Variants in CTDSPL observed in about 807,000 individuals in gnomAD.
The protein encoded by CTDSPL is CTD small phosphatase like.
CTDSPL carries 8 observed loss-of-function variants against 30.5 expected under a neutral mutation model. The ratio of observed to expected loss-of-function variants is 0.26; its 90% CI spans 0.15 to 0.47. CTDSPL has a LOEUF of 0.47. CTDSPL is among the 20% of genes least tolerant of loss of function. The pLI, the probability that CTDSPL is intolerant of heterozygous loss-of-function variation, is 0.99. For missense variants in CTDSPL, 248 were observed against 366.1 expected (o/e 0.68, Z 2.63); for synonymous variants, 110 against 137.9 (o/e 0.80, Z 1.42).
intron 1 of CTDSPL, among the ~76,000 whole-genome samples, chr3:37,946,763 C>T (rs1270501334): frequency 6.6e-6 from 1 of 152,108 alleles, no homozygotes; most frequent in African/African-American, 2.4e-5. Context: ...TGGGGACTGA[C>T]CCTGTGGGTG....
In CTDSPL at chr3:37,861,906, C is replaced by G. The variant is rs595441; in HGVS notation, c.-294C>G. On this transcript the variant is annotated 5_prime_UTR_variant, in exon 1 of 8. Transcript: ENST00000273179. ...CTTCCCCCTCGCCCGCCCGCTCCCG[C>G]TTCCAGCGGCGCCGGGCCTCCCGCT... is the stretch of plus-strand genomic sequence containing the variant. 1 of 144,036 alleles carries G rather than the reference C, an allele frequency of 6.9e-6. No homozygotes were observed. The highest frequency in any genetic ancestry group is 1.5e-5 in the Non-Finnish European group (1 of 65,098). 8.9% of individuals were successfully genotyped at this position (144,036 alleles called of 1,614,324 possible).
intron 5 of CTDSPL, among the ~76,000 whole-genome samples, chr3:37,970,441 G>A (rs1699353783): frequency 1.3e-5 from 2 of 152,224 alleles, no homozygotes; most frequent in South Asian, 4.1e-4. Flanking sequence ...CAGAGCTGAG[G>A]CTCAGTAAAC....
rs1698291529 is a variant in CTDSPL at position 37,888,814 on chromosome 3, TG to T, written c.79+26541del. Reference sequence around the variant, plus strand: ...ACCTTTTTGGATATGATGCTGTAGCTGGGGGCCTTTAGATCCAGGGGTAAGG... The same window carrying T: ...ACCTTTTTGGATATGATGCTGTAGCTGGGGCCTTTAGATCCAGGGGTAAGG... On this transcript the variant is annotated intron_variant, in intron 1 of 7. Transcript: ENST00000273179. Among the ~76,000 whole-genome samples, 7 of 152,192 alleles carry T rather than the reference TG, an allele frequency of 4.6e-5. No homozygotes were observed. In the South Asian group the frequency reaches 1.0e-3, roughly 22 times the overall value.
At chr3:37,947,753 C>A (rs1699056089) in intron 2 of CTDSPL, among the ~76,000 whole-genome samples, 1 of 152,086 alleles carries the variant, frequency 6.6e-6, no homozygotes, top group African/African-American at 2.4e-5. Flanking sequence ...AAGTTGAATG[C>A]ATGAAACAGT....
chr3:37,934,937 G>C (rs188218708), intron 1 of CTDSPL, among the ~76,000 whole-genome samples: 55 of 151,828 alleles, frequency 3.6e-4, no homozygotes, highest in African/African-American at 1.3e-3. Flanking sequence ...TAAGGTCCCT[G>C]TACCCCTGGA....
chr3:37,867,706 T>C lies in CTDSPL; in HGVS notation c.79+5428T>C, dbSNP rs563874787. Among the ~76,000 whole-genome samples the C allele has an allele frequency of 9.8e-5, 15 of 152,328 alleles. No individual in the cohort carries two copies. In the East Asian group the frequency reaches 2.7e-3, roughly 27 times the overall value. ...GCAAAAATAATACAGAGAGGTCCCA[T>C]GTACCCATCACCTAGTGTCCCCTAA... On this transcript the variant is annotated intron_variant, in intron 1 of 7. Transcript: ENST00000273179.
chr3:37,940,588 G>A (rs1698967292), intron 1 of CTDSPL, among the ~76,000 whole-genome samples: 1 of 150,332 alleles, frequency 6.7e-6, no homozygotes. Flanking sequence ...ATCCTGCCAT[G>A]TTAAGAAACC....
chr3:37,945,887 C>T (rs1307704317), intron 1 of CTDSPL, among the ~76,000 whole-genome samples: 1 of 152,160 alleles, frequency 6.6e-6, no homozygotes, highest in African/African-American at 2.4e-5. Flanking sequence ...AAGAGCACCC[C>T]CAAAACATTC....
intron 1 of CTDSPL, among the ~76,000 whole-genome samples, chr3:37,940,956 G>A (rs966198106): frequency 1.3e-5 from 2 of 150,444 alleles, no homozygotes; most frequent in Admixed American, 1.3e-4. Flanking sequence ...GAGGAAGGCA[G>A]TTGTCTATAT....
rs1697943746 is a variant in CTDSPL at position 37,861,954 on chromosome 3, C to T, written c.-246C>T. On this transcript the variant is annotated 5_prime_UTR_variant, in exon 1 of 8. Transcript: ENST00000273179. Reference sequence around the variant, plus strand: ...GCTCCGCCTCCCCGTGCGCGGCTCTCCCGGGCGCGGCTCCGGGGTTCATGG... The same window carrying T: ...GCTCCGCCTCCCCGTGCGCGGCTCTTCCGGGCGCGGCTCCGGGGTTCATGG... The T allele has an allele frequency of 6.8e-6, 1 of 146,282 alleles. No individual in the cohort carries two copies. Among genetic ancestry groups the T allele is most frequent in the Admixed American group, 6.7e-5 (1 of 14,818 alleles). The allele number at this position is 146,282 out of a possible 1,614,324, so 9.1% of individuals were successfully genotyped here.
intron 2 of CTDSPL, 40 bp downstream of exon 2, chr3:37,947,251 A>C: frequency 1.3e-6 from 2 of 1,589,878 alleles, no homozygotes; most frequent in Non-Finnish European, 1.7e-6. Context: ...ATAAAACTGC[A>C]GCAGTGGCAT....
At chr3:37,976,865 C>G (rs1363475665) in intron 7 of CTDSPL, among the ~76,000 whole-genome samples, 1 of 152,092 alleles carries the variant, frequency 6.6e-6, no homozygotes, top group Non-Finnish European at 1.5e-5. Flanking sequence ...AGAGGCCAAC[C>G]AGGGCCTCTG....
intron 1 of CTDSPL, among the ~76,000 whole-genome samples, chr3:37,864,410 T>A (rs1457399251): frequency 6.6e-6 from 1 of 152,228 alleles, no homozygotes; most frequent in Non-Finnish European, 1.5e-5. Context: ...GACAATCTTT[T>A]ATTATCTTTA....
chr3:37,903,900 GC>G (rs1698481930), intron 1 of CTDSPL, among the ~76,000 whole-genome samples: 1 of 152,218 alleles, frequency 6.6e-6, no homozygotes, highest in African/African-American at 2.4e-5. Flanking sequence ...AGGTCACCAG[GC>G]CAGCCTTTAC....
intron 1 of CTDSPL, among the ~76,000 whole-genome samples, chr3:37,888,996 G>A (rs1178391249): frequency 1.3e-5 from 2 of 152,230 alleles, no homozygotes; most frequent in Non-Finnish European, 2.9e-5. Context: ...GGATTGAAAT[G>A]TATAATCTTA....
intron 1 of CTDSPL, among the ~76,000 whole-genome samples, chr3:37,914,613 T>G (rs900491825): frequency 1.3e-5 from 2 of 152,234 alleles, no homozygotes; most frequent in Non-Finnish European, 2.9e-5. Context: ...TTTATTCTGT[T>G]AATATGATGA....
Position 37,947,045 on chromosome 3 carries a change from T to C in CTDSPL, c.80-12T>C. On this transcript the variant is annotated splice_polypyrimidine_tract_variant and intron_variant, in intron 1 of 7. Transcript: ENST00000273179. ...TGCAGTTGGCCATAGTGTGCTCTGT[T>C]TCTGTTTCCAGCCTCCCAGTGCAAC... is the stretch of plus-strand genomic sequence containing the variant. 3 of 1,611,510 alleles carry C rather than the reference T, an allele frequency of 1.9e-6. No individual in the cohort carries two copies. Among genetic ancestry groups the C allele is most frequent in the Non-Finnish European group, 2.5e-6 (3 of 1,178,252 alleles).
At chr3:37,960,029 C>A (rs1699218231) in intron 3 of CTDSPL, among the ~76,000 whole-genome samples, 1 of 151,740 alleles carries the variant, frequency 6.6e-6, no homozygotes, top group South Asian at 2.1e-4. Flanking sequence ...CATGGTGAAA[C>A]CCCATCTCTA....
At chr3:37,924,992 G>A (rs1273128953) in intron 1 of CTDSPL, among the ~76,000 whole-genome samples, 2 of 152,082 alleles carry the variant, frequency 1.3e-5, no homozygotes, top group African/African-American at 4.8e-5. Context: ...TTTCAGGCTA[G>A]AGGCCCTTCC....
Sources: allele counts gnomAD v4.1 joint callset (sites outside exome capture counted in the v4.1 genomes callset), GRCh38; gene constraint gnomAD v4.1.1; transcripts MANE v1.5; gene names NCBI Gene and HGNC (gene_info 2026-07-23, HGNC 2026-07-21).